The following DNAH7 variants were observed in gnomAD, a reference collection of about 807,000 sequenced individuals.
DNAH7 encodes dynein axonemal heavy chain 7.
A neutral mutation model predicts 444.6 loss-of-function variants in DNAH7; 397 were observed. That is an observed-to-expected ratio of 0.89 (90% CI 0.82 to 0.97). DNAH7 has a LOEUF of 0.97. Ranked by LOEUF, DNAH7 falls within the 50% of genes least tolerant of loss-of-function variation. The pLI is 0.00. For missense variants in DNAH7, 4,902 were observed against 4,800.8 expected (o/e 1.02, Z -0.62); for synonymous variants, 1,636 against 1,624.4 (o/e 1.01, Z -0.17).
intron 54 of DNAH7, among the ~76,000 whole-genome samples, chr2:195,805,035 G>C (rs1207182243): frequency 6.6e-6 from 1 of 151,990 alleles, no homozygotes; most frequent in East Asian, 1.9e-4. Context: ...AAACCCCTCA[G>C]CTTGACTATG....
chr2:195,754,668 G>A (rs938051414), intron 62 of DNAH7, among the ~76,000 whole-genome samples, 154 bp from the exon 63 acceptor site: 1 of 151,960 alleles, frequency 6.6e-6, no homozygotes, highest in Non-Finnish European at 1.5e-5. Flanking sequence ...ATACCACCAT[G>A]CCTGGCTAAT....
Position 195,794,463 on chromosome 2 carries a change from A to T in DNAH7, c.10591T>A (p.Ser3531Thr). ...TSYPSPNFPV[S>T]VLQNGVKMTN... ...ATTTTCACTCCATTCTGCAGTACTG[A>T]CACAGGGAAATTTGGAGATGGGTAA... Residue 3531 changes from serine to threonine, a missense_variant, in exon 57 of 65, where the codon TCA (serine) becomes ACA (threonine). Transcript: ENST00000312428. The T allele has an allele frequency of 6.2e-7, 1 of 1,614,178 alleles. No individual in the cohort carries two copies. The highest frequency in any genetic ancestry group is 8.5e-7 in the Non-Finnish European group (1 of 1,180,022).
Position 196,023,434 on chromosome 2 carries a change from T to C in DNAH7, c.743+995A>G, listed in dbSNP as rs142705537. 1.8e-3 allele frequency among the ~76,000 whole-genome samples: 274 copies of C among 152,268 alleles called. 1 individual carries two copies. The highest frequency in any genetic ancestry group is 3.2e-3 in the Non-Finnish European group (218 of 68,012). On this transcript the variant is annotated intron_variant, in intron 8 of 64. Transcript: ENST00000312428. ...AAGAACTGCTTAACACAGAACCCAA[T>C]AGTTAATTTTTCAACCCTTGCTCCG... is the stretch of plus-strand genomic sequence containing the variant.
At chr2:196,047,267 T>G in intron 5 of DNAH7, 85 bp downstream of exon 5, 1 of 1,253,718 alleles carries the variant, frequency 8.0e-7, no homozygotes, top group Non-Finnish European at 1.1e-6. Context: ...CCCTTAGAGA[T>G]GCACAGAATT....
chr2:196,002,389 T>C (rs548236288), intron 10 of DNAH7, among the ~76,000 whole-genome samples: 1 of 152,142 alleles, frequency 6.6e-6, no homozygotes, highest in African/African-American at 2.4e-5. Flanking sequence ...CCTGAAAGAG[T>C]GTCTGATCTA....
intron 36 of DNAH7, among the ~76,000 whole-genome samples, chr2:195,878,657 A>C (rs1701195763): frequency 6.6e-6 from 1 of 152,200 alleles, no homozygotes; most frequent in Non-Finnish European, 1.5e-5. Flanking sequence ...CCATGGTGTG[A>C]ACAGTTTGGC....
chr2:195,818,631 A>G (rs1049184330), intron 49 of DNAH7, among the ~76,000 whole-genome samples: 1 of 152,096 alleles, frequency 6.6e-6, no homozygotes, highest in African/African-American at 2.4e-5. Flanking sequence ...AATGTTATTT[A>G]TATATATTTT....
At chr2:195,785,848 A>AT (rs957884101) in intron 58 of DNAH7, among the ~76,000 whole-genome samples, 20 of 151,732 alleles carry the variant, frequency 1.3e-4, no homozygotes, top group Middle Eastern at 3.4e-3. Flanking sequence ...ATCCTTTTTT[A>AT]TTTTTTTTGT....
chr2:195,930,235 CAG>C (rs1361864052), intron 21 of DNAH7, among the ~76,000 whole-genome samples: 1 of 152,120 alleles, frequency 6.6e-6, no homozygotes, highest in Non-Finnish European at 1.5e-5. Flanking sequence ...ACCAGCCACT[CAG>C]GAGCTGAGAC....
chr2:195,953,668 C>A (rs1690422951), intron 19 of DNAH7, among the ~76,000 whole-genome samples: 1 of 152,252 alleles, frequency 6.6e-6, no homozygotes, highest in Non-Finnish European at 1.5e-5. Context: ...AGTCTGTCTA[C>A]AGCAGCTTTG....
intron 2 of DNAH7, among the ~76,000 whole-genome samples, chr2:196,053,550 A>G (rs1697617430): frequency 6.6e-6 from 1 of 152,232 alleles, no homozygotes; most frequent in Non-Finnish European, 1.5e-5. Flanking sequence ...GACTAGAGTC[A>G]GCAGTGAGGC....
In DNAH7 at chr2:195,857,401, A is replaced by C. The variant is rs774136828; in HGVS notation, c.8390T>G (p.Val2797Gly). Residue 2797 changes from valine (V) to glycine (G), a missense_variant, in exon 44 of 65, where the codon GTC becomes GGC. Physicochemically the swap from Val to Gly is moderately radical, Grantham distance 109. Coordinates refer to ENST00000312428, the MANE Select transcript of DNAH7 (RefSeq NM_018897.3). ...STAAEGLCKWVIAMDSYDKVA... is the reference protein window; with the variant it reads ...STAAEGLCKWGIAMDSYDKVA... ...CTTATCATATGAATCCATTGCTATG[A>C]CCCATTTGCACAGACCTTCGGCCGC... 5 of 1,595,616 alleles carry C rather than the reference A, an allele frequency of 3.1e-6. No individual in the cohort carries two copies. Among genetic ancestry groups the C allele is most frequent in the Non-Finnish European group, 3.4e-6 (4 of 1,173,580 alleles).
At chr2:195,826,668 T>C (rs1697769092) in intron 48 of DNAH7, among the ~76,000 whole-genome samples, 1 of 152,198 alleles carries the variant, frequency 6.6e-6, no homozygotes, top group South Asian at 2.1e-4. Context: ...TATACTAACA[T>C]ACTTGACCAT....
At chr2:195,954,179 C>A (rs530386505) in intron 19 of DNAH7, among the ~76,000 whole-genome samples, 1 of 147,916 alleles carries the variant, frequency 6.8e-6, no homozygotes, top group Non-Finnish European at 1.5e-5. Flanking sequence ...CCTCCCCACT[C>A]TCCCCACCCC....
chr2:195,739,235 T>C (rs1399784650), intron 64 of DNAH7, among the ~76,000 whole-genome samples: 1 of 152,248 alleles, frequency 6.6e-6, no homozygotes, highest in Admixed American at 6.5e-5. Flanking sequence ...AACTTTCAAT[T>C]TGGGTCTTGT....
At chr2:195,742,693 G>A (rs1484861367) in intron 63 of DNAH7, among the ~76,000 whole-genome samples, 1 of 152,178 alleles carries the variant, frequency 6.6e-6, no homozygotes, top group Non-Finnish European at 1.5e-5. Flanking sequence ...GATGTCATCA[G>A]CACATAGTGT....
chr2:195,791,510 T>C (rs1160006016), intron 57 of DNAH7, among the ~76,000 whole-genome samples: 1 of 152,018 alleles, frequency 6.6e-6, no homozygotes, highest in African/African-American at 2.4e-5. Context: ...ATTTCTTAAA[T>C]AACTTAAAAC....
chr2:195,865,005 T>C lies in DNAH7; in HGVS notation c.6650A>G (p.Tyr2217Cys), dbSNP rs1205196578. 1 of 1,598,348 alleles carries C rather than the reference T, an allele frequency of 6.3e-7. No individual in the cohort carries two copies. The highest frequency in any genetic ancestry group is 1.7e-5 in the Admixed American group (1 of 59,070). ...LWVHEVLRVYYDRLLDNTDRS... is the reference protein window; with the variant it reads ...LWVHEVLRVYCDRLLDNTDRS... ...GTCTGTATTGTCCAGAAGGCGGTCA[T>C]AATACACTCGAAGGACCTGTATAAT... Residue 2217 changes from tyrosine to cysteine, a missense_variant, in exon 41 of 65, where the codon TAT becomes TGT. Physicochemically the swap from Tyr to Cys is radical, Grantham distance 194. Transcript: ENST00000312428.
At chr2:195,789,257 C>G (rs1027056933) in intron 57 of DNAH7, among the ~76,000 whole-genome samples, 3 of 151,256 alleles carry the variant, frequency 2.0e-5, no homozygotes, top group Non-Finnish European at 1.5e-5. Context: ...AATCTGAGTA[C>G]CAAAAGACTC....
Sources: allele counts gnomAD v4.1 joint callset (sites outside exome capture counted in the v4.1 genomes callset), GRCh38; gene constraint gnomAD v4.1.1; transcripts MANE v1.5; gene names NCBI Gene and HGNC (gene_info 2026-07-23, HGNC 2026-07-21).